CNTLN: variants seen among roughly 807,000 people sequenced by gnomAD.
CNTLN encodes centlein.
CNTLN carries 212 observed loss-of-function variants against 180.0 expected under a neutral mutation model. The observed-to-expected ratio is 1.18, with a 90% CI of 1.05 to 1.32. CNTLN has a LOEUF of 1.32. Ranked by LOEUF, CNTLN falls within the 40% of genes most tolerant of loss-of-function variation. CNTLN has a pLI of 0.00. For synonymous variants in CNTLN, 722 were observed against 563.1 expected, an observed-to-expected ratio of 1.28 and a Z score of -3.99; for missense variants, 2,095 against 1,610.9, an observed-to-expected ratio of 1.30 and a Z score of -5.14.
At chr9:17,155,997 C>T (rs1264517452) in intron 2 of CNTLN, among the ~76,000 whole-genome samples, 8 of 152,162 alleles carry the variant, frequency 5.3e-5, no homozygotes, top group Non-Finnish European at 1.0e-4. Flanking sequence ...AATTCCCCCA[C>T]CCCTTGTGCT....
intron 8 of CNTLN, among the ~76,000 whole-genome samples, chr9:17,323,264 A>G (rs1338338584): frequency 6.6e-6 from 1 of 152,174 alleles, no homozygotes; most frequent in Non-Finnish European, 1.5e-5. Flanking sequence ...ACCCAAAGGT[A>G]GTCATACATT....
the CNTLN span, among the ~76,000 whole-genome samples, chr9:17,513,369 GA>G: frequency 6.6e-6 from 1 of 151,806 alleles, no homozygotes; most frequent in Non-Finnish European, 1.5e-5. Context: ...TGTTAAAAAT[GA>G]ACTGAAAAAA....
chr9:17,308,297 A>G (rs1199050145), intron 7 of CNTLN, among the ~76,000 whole-genome samples: 1 of 152,156 alleles, frequency 6.6e-6, no homozygotes, highest in Non-Finnish European at 1.5e-5. Context: ...ATAAGTCTTC[A>G]AAATATTGCT....
intron 20 of CNTLN, among the ~76,000 whole-genome samples, chr9:17,464,029 G>T (rs1483496628): frequency 2.6e-5 from 4 of 151,346 alleles, no homozygotes; most frequent in African/African-American, 9.7e-5. Flanking sequence ...CAGCTGTGTG[G>T]ATTGAATCTC....
intron 7 of CNTLN, among the ~76,000 whole-genome samples, chr9:17,303,313 C>G (rs1563977267): frequency 1.3e-5 from 2 of 152,172 alleles, no homozygotes; most frequent in Admixed American, 6.5e-5. Context: ...TTTTTCAACA[C>G]TTAATAATTT....
At chr9:17,276,620 A>G (rs1371248569) in intron 6 of CNTLN, among the ~76,000 whole-genome samples, 1 of 152,050 alleles carries the variant, frequency 6.6e-6, no homozygotes, top group Non-Finnish European at 1.5e-5. Context: ...TACAGTATAA[A>G]TAAGTATATA....
intron 10 of CNTLN, 108 bp from the exon 11 acceptor site, chr9:17,340,719 A>C (rs897554049): frequency 1.2e-6 from 1 of 837,176 alleles, no homozygotes; most frequent in Non-Finnish European, 1.7e-6. Context: ...TTATGTTTAC[A>C]CACTATTTTC....
At chr9:17,422,940 C>A (rs1372726515) in intron 18 of CNTLN, among the ~76,000 whole-genome samples, 1 of 152,280 alleles carries the variant, frequency 6.6e-6, no homozygotes, top group East Asian at 1.9e-4. Context: ...CTAGGGGATA[C>A]CCTAATCCCG....
At chr9:17,141,157 T>C (rs1818062517) in intron 1 of CNTLN, among the ~76,000 whole-genome samples, 3 of 152,214 alleles carry the variant, frequency 2.0e-5, no homozygotes. Context: ...GAGGTTGGTC[T>C]GTTACTTGGG....
rs575241104 is a variant in CNTLN at position 17,350,598 on chromosome 9, G to C, written c.1886+8154G>C. ...TATAACAAAACGCCATAGGCTGGGT[G>C]GCTTAACAGACATGCATTTCTGATA... On this transcript the variant is annotated intron_variant, in intron 12 of 25. Transcript: ENST00000380647. Among the ~76,000 whole-genome samples, 149 of 152,212 alleles carry C rather than the reference G, an allele frequency of 9.8e-4. 1 individual carries two copies. The highest frequency in any genetic ancestry group is 3.4e-3 in the African/African-American group (140 of 41,544).
intron 2 of CNTLN, among the ~76,000 whole-genome samples, chr9:17,177,332 C>T (rs1193941947): frequency 4.6e-5 from 7 of 152,084 alleles, no homozygotes; most frequent in Admixed American, 4.6e-4. Context: ...TGGCGTGAAC[C>T]CGGGAGGCGG....
intron 12 of CNTLN, among the ~76,000 whole-genome samples, chr9:17,363,301 G>C (rs529599498): frequency 3.9e-5 from 6 of 152,254 alleles, no homozygotes; most frequent in African/African-American, 1.4e-4. Flanking sequence ...TCGCCACACT[G>C]TCTTCCACAA....
intron 8 of CNTLN, among the ~76,000 whole-genome samples, chr9:17,330,087 G>C (rs915754659): frequency 9.9e-5 from 15 of 151,966 alleles, no homozygotes; most frequent in African/African-American, 3.4e-4. Context: ...ACCATTAGCA[G>C]TTTATCTGAA....
chr9:17,273,187 T>C (rs1563945618), intron 5 of CNTLN, among the ~76,000 whole-genome samples: 1 of 152,146 alleles, frequency 6.6e-6, no homozygotes, highest in Non-Finnish European at 1.5e-5. Context: ...GAAAAATATT[T>C]AGAGAATGAT....
At chr9:17,507,289 G>A (rs1833949650), downstream of CNTLN, among the ~76,000 whole-genome samples, 2 of 152,072 alleles carry the variant, frequency 1.3e-5, no homozygotes, top group Non-Finnish European at 2.9e-5. Context: ...ATGACTTCTA[G>A]CTCCATTTCC....
At chr9:17,384,275 T>C (rs1404220328) in intron 13 of CNTLN, among the ~76,000 whole-genome samples, 10 of 111,292 alleles carry the variant, frequency 9.0e-5, no homozygotes, top group African/African-American at 1.2e-4. Flanking sequence ...GGGTGTAATT[T>C]ACAATAAATA....
At position 17,394,955 on chromosome 9, in the gene CNTLN, A is replaced by G. The variant is rs1826400983; in HGVS notation, c.2501A>G (p.Lys834Arg). The change falls in exon 15 of 26, where the codon AAG becomes AGG. Residue 834 changes from lysine to arginine, a missense_variant. By Grantham distance (26) the Lys-to-Arg change is conservative. Coordinates refer to ENST00000380647, the MANE Select transcript of CNTLN (RefSeq NM_017738.4). Reference protein sequence around the residue: ...TMTKVKFKAAKKNCSVGRHHT... With the variant: ...TMTKVKFKAARKNCSVGRHHT... ...ACCAAGGTTAAATTTAAAGCTGCGAAGAAAAATTGCTCTGTGGGTCGTCAC... is the reference window on the plus strand; with the variant it reads ...ACCAAGGTTAAATTTAAAGCTGCGAGGAAAAATTGCTCTGTGGGTCGTCAC... 1 of 1,614,104 alleles carries G rather than the reference A, an allele frequency of 6.2e-7. No individual in the cohort carries two copies. The highest frequency in any genetic ancestry group is 8.5e-7 in the Non-Finnish European group (1 of 1,179,970).
intron 6 of CNTLN, among the ~76,000 whole-genome samples, chr9:17,283,688 A>T (rs1253988774): frequency 6.6e-6 from 1 of 152,154 alleles, no homozygotes; most frequent in East Asian, 1.9e-4. Context: ...TTTCAAGGGA[A>T]ATGTTTCCAG....
intron 9 of CNTLN, 149 bp from the exon 10 acceptor site, chr9:17,332,456 G>A (rs775948637): frequency 3.5e-5 from 23 of 648,218 alleles, no homozygotes; most frequent in South Asian, 8.1e-5. Flanking sequence ...TGGTAATTCC[G>A]CTTGTTATTT....
Sources: gnomAD v4.1 joint callset for allele counts (sites outside exome capture counted in the v4.1 genomes callset) on GRCh38, gnomAD v4.1.1 for gene constraint, MANE v1.5 for transcripts, NCBI Gene and HGNC (gene_info 2026-07-23, HGNC 2026-07-21) for gene names.